Variants in PIEZO1 observed in about 807,000 individuals in gnomAD.
PIEZO1 encodes piezo-type mechanosensitive ion channel component 1.
In PIEZO1, 296 loss-of-function variants were observed where a neutral mutation model predicts 297.2. The observed-to-expected ratio is 1.00, with a 90% CI of 0.91 to 1.10. The LOEUF (loss-of-function observed/expected upper bound fraction) is 1.10, where lower values mean the gene tolerates loss of function less well. Ranked by LOEUF, PIEZO1 falls within the 50% of genes least tolerant of loss-of-function variation. The pLI is 0.00. For synonymous variants in PIEZO1, 2,427 were observed against 1,507.5 expected, an observed-to-expected ratio of 1.61 and a Z score of -14.13; for missense variants, 5,018 against 3,455.5, an observed-to-expected ratio of 1.45 and a Z score of -11.34.
At chr16:88,776,633 G>A (rs566472613) in intron 1 of PIEZO1, among the ~76,000 whole-genome samples, 13 of 152,360 alleles carry the variant, frequency 8.5e-5, no homozygotes, top group East Asian at 1.9e-4. Flanking sequence ...GAGGTTAGCA[G>A]GGAATGAACA....
intron 45 of PIEZO1, 44 bp downstream of exon 45, chr16:88,716,979 C>A (rs769235340): frequency 1.9e-6 from 3 of 1,547,162 alleles, no homozygotes; most frequent in Non-Finnish European, 2.6e-6. Flanking sequence ...TTGGCCAGAA[C>A]CCCCAGGGGA....
chr16:88,725,706 G>A (rs1346240490), intron 27 of PIEZO1, 22 bp from the exon 28 acceptor site: 20 of 1,315,874 alleles, frequency 1.5e-5, no homozygotes, highest in African/African-American at 5.9e-5. Flanking sequence ...CGGGGATGGG[G>A]TGTGAGCACC....
Position 88,721,681 on chromosome 16 carries a change from A to G in PIEZO1, c.5260T>C (p.Trp1754Arg). 1 of 1,549,596 alleles carries G rather than the reference A, an allele frequency of 6.5e-7. No individual in the cohort carries two copies. The highest frequency in any genetic ancestry group is 8.7e-7 in the Non-Finnish European group (1 of 1,146,726). ...CGCCGCAGCACCACGTGGCTGTTCCAGGGGAAGAACCCAAACTGGAACAGG... is the reference window on the plus strand; with the variant it reads ...CGCCGCAGCACCACGTGGCTGTTCCGGGGGAAGAACCCAAACTGGAACAGG... ...KYLFQFGFFP[W>R]NSHVVLRRYE... is the part of the protein sequence containing the mutation. Residue 1754 changes from tryptophan to arginine, a missense_variant, in exon 38 of 51, where the codon TGG becomes CGG. Trp to Arg is a moderately radical substitution (Grantham distance 101, BLOSUM62 -3). Transcript: ENST00000301015.
intron 1 of PIEZO1, among the ~76,000 whole-genome samples, chr16:88,755,734 T>G (rs1306375021): frequency 1.3e-5 from 2 of 152,196 alleles, no homozygotes; most frequent in Non-Finnish European, 2.9e-5. Context: ...AAGGGGACAG[T>G]GCAGAAGGCA....
At chr16:88,731,957 G>GAGGGCGGGGTGTGGGGATGCACT (rs151293846) in intron 21 of PIEZO1, 47 bp from the exon 22 acceptor site, 10 of 98,628 alleles carry the variant, frequency 1.0e-4, no homozygotes, top group Admixed American at 1.4e-4. Context: ...GAGTCTGGGG[G>GAGGGCGGGGTGTGGGGATGCACT]GAGGGACTTT....
At chr16:88,740,105 C>G (rs149131705) in intron 5 of PIEZO1, 3 of 152,392 alleles carry the variant, frequency 2.0e-5, no homozygotes, top group African/African-American at 7.2e-5. Flanking sequence ...ACGCCCCTCA[C>G]CCTCCTCTAG....
intron 15 of PIEZO1, 38 bp downstream of exon 15, chr16:88,734,612 T>C (rs1318159643): frequency 1.3e-6 from 2 of 1,549,320 alleles, no homozygotes; most frequent in African/African-American, 1.4e-5. Context: ...TGCACGGGGT[T>C]TCGGCGCCCC....
At chr16:88,775,452 G>A (rs555316747) in intron 1 of PIEZO1, among the ~76,000 whole-genome samples, 6 of 152,310 alleles carry the variant, frequency 3.9e-5, no homozygotes, top group East Asian at 1.9e-4. Context: ...GCGGGGGCCC[G>A]GCGCAGTGGC....
At position 88,734,750 on chromosome 16, in the gene PIEZO1, C is replaced by G; in HGVS notation, c.1897G>C (p.Val633Leu). The change falls in exon 15 of 51, where the codon GTG becomes CTG. Residue 633 changes from valine to leucine, a missense_variant. By Grantham distance (32) the Val-to-Leu change is conservative. Transcript: ENST00000301015. ...AGGACCAGCATGGTGTAGGCCACCA[C>G]GAGCCACCAGAAGGCCTTGAGCAGC... is the stretch of plus-strand genomic sequence containing the variant. ...RKLLKAFWWL[V>L]VAYTMLVLIA... 2.6e-6 allele frequency: 4 copies of G among 1,550,268 alleles called. No individual in the cohort carries two copies. Among genetic ancestry groups the G allele is most frequent in the Non-Finnish European group, 2.6e-6 (3 of 1,146,880 alleles).
Position 88,715,947 on chromosome 16 carries a change from G to A in PIEZO1, c.7302C>T (p.Phe2434=), listed in dbSNP as rs994265417. 2.6e-6 allele frequency: 4 copies of A among 1,549,400 alleles called. No individual in the cohort carries two copies. The African/African-American group carries it at 5.5e-5, about 21-fold the overall frequency. ...CACTCACTCACCCGTAGCCAGCCAGGAAGCCGAGGCTCGGTGGGCTGACCT... is the reference window on the plus strand; with the variant it reads ...CACTCACTCACCCGTAGCCAGCCAGAAAGCCGAGGCTCGGTGGGCTGACCT... ...SDKVSPPSLG[F]LAGYGIMGLY... Residue 2434 remains phenylalanine (F), a synonymous_variant, in exon 50 of 51, where the codon TTC becomes TTT. Transcript: ENST00000301015.
intron 16 of PIEZO1, 89 bp downstream of exon 16, chr16:88,734,267 T>C (rs1905062443): frequency 4.7e-6 from 6 of 1,285,836 alleles, no homozygotes; most frequent in African/African-American, 1.5e-5. Flanking sequence ...AGGTGGAAGA[T>C]GTGGCTCCTG....
In PIEZO1 at chr16:88,736,689, C is replaced by T; in HGVS notation, c.1246G>A (p.Gly416Ser). 6.5e-7 allele frequency: 1 copy of T among 1,532,982 alleles called. No individual in the cohort carries two copies. 95.0% of individuals were successfully genotyped at this position (1,532,982 alleles called of 1,614,324 possible). A position where few individuals can be genotyped will look rare whatever the true frequency, so the allele number is the denominator to read the frequency against. Residue 416 changes from glycine to serine, a missense_variant, in exon 11 of 51, where the codon GGC becomes AGC. Physicochemically the swap from Gly to Ser is moderately conservative, Grantham distance 56 (BLOSUM62 0). Coordinates refer to ENST00000301015, the MANE Select transcript of PIEZO1 (RefSeq NM_001142864.4). ...PREASPLHSL[G>S]HLIMDQSYVC... ...TAGCTCTGGTCCATGATGAGGTGGC[C>T]CAGGCTGTGGAGCGGAGACGCCTCC...
chr16:88,776,387 C>T (rs1907665458), intron 1 of PIEZO1, among the ~76,000 whole-genome samples: 2 of 152,018 alleles, frequency 1.3e-5, no homozygotes, highest in South Asian at 4.1e-4. Flanking sequence ...TGAGCCCAGA[C>T]TGGGCCACTG....
intron 23 of PIEZO1, 124 bp from the exon 24 acceptor site, chr16:88,727,316 G>A: frequency 8.7e-7 from 1 of 1,145,392 alleles, no homozygotes; most frequent in Non-Finnish European, 1.2e-6. Context: ...ACACACGTCT[G>A]CCTGGGTGAG....
chr16:88,720,707 C>G lies in PIEZO1; in HGVS notation c.5710G>C (p.Glu1904Gln). The change falls in exon 40 of 51, where the codon GAG (glutamate) becomes CAG (glutamine). Residue 1904 changes from glutamate (E) to glutamine (Q), a missense_variant. Coordinates refer to ENST00000301015, the MANE Select transcript of PIEZO1 (RefSeq NM_001142864.4). ...CTCTTCTCTCTCCCCGTGGGGGCCT[C>G]TTTCTCTTCCTCCCCCTCTTCTTCC... ...REEEEGEEEK[E>Q]APTGREKRPS... The G allele has an allele frequency of 6.5e-7, 1 of 1,534,236 alleles. No homozygotes were observed.
In PIEZO1 at chr16:88,735,012, G is replaced by C. The variant is rs917782459; in HGVS notation, c.1711C>G (p.Leu571Val). The C allele has an allele frequency of 6.4e-7, 1 of 1,550,508 alleles. No homozygotes were observed. Among genetic ancestry groups the C allele is most frequent in the African/African-American group, 1.4e-5 (1 of 73,192 alleles). Residue 571 changes from leucine to valine, a missense_variant, in exon 14 of 51, where the codon CTG becomes GTG. By Grantham distance (32) the Leu-to-Val change is conservative. Coordinates refer to ENST00000301015, the MANE Select transcript of PIEZO1 (RefSeq NM_001142864.4). ...TACTTGGCGTACACGCCCTTCACCA[G>C]CTCCCCCAGGCTCTGCAACAGCGTC... ...TQTLLQSLGE[L>V]VKGVYAKYWI...
chr16:88,739,009 C>T (rs1295808837), intron 5 of PIEZO1: 6 of 538,752 alleles, frequency 1.1e-5, no homozygotes, highest in Non-Finnish European at 2.0e-5. Flanking sequence ...CTGCCAAGCC[C>T]AGGCACGTGA....
In PIEZO1 at chr16:88,732,346, A is replaced by G. The variant is rs1480163038; in HGVS notation, c.2980T>C (p.Phe994Leu). 1.3e-6 allele frequency: 2 copies of G among 1,549,234 alleles called. No individual in the cohort carries two copies. Among genetic ancestry groups the G allele is most frequent in the Admixed American group, 2.0e-5 (1 of 50,944 alleles). ...TGTCCTTGCCTCACCTCCAGCCCGAATTTGTAGAAGAAGAAGTTGATGAAG... is the reference window on the plus strand; with the variant it reads ...TGTCCTTGCCTCACCTCCAGCCCGAGTTTGTAGAAGAAGAAGTTGATGAAG... Reference protein sequence around the residue: ...KYFINFFFYKFGLEICFLMAV... With the variant: ...KYFINFFFYKLGLEICFLMAV... The change falls in exon 21 of 51, where the codon TTC (phenylalanine) becomes CTC (leucine). Residue 994 changes from phenylalanine (F) to leucine (L), a missense_variant. Phe to Leu is a conservative substitution (Grantham distance 22, BLOSUM62 0). Coordinates refer to ENST00000301015, the MANE Select transcript of PIEZO1 (RefSeq NM_001142864.4).
At chr16:88,736,617 C>T (rs2142827558) in intron 11 of PIEZO1, 22 bp downstream of exon 11, 1 of 1,518,442 alleles carries the variant, frequency 6.6e-7, no homozygotes, top group Non-Finnish European at 8.8e-7. Context: ...GGCCGCCCAC[C>T]CCAACCCCCA....
Sources: allele counts gnomAD v4.1 joint callset (sites outside exome capture counted in the v4.1 genomes callset), GRCh38; gene constraint gnomAD v4.1.1; transcripts MANE v1.5; gene names NCBI Gene and HGNC (gene_info 2026-07-23, HGNC 2026-07-21).